The following MLXIP variants were observed in gnomAD, a reference collection of about 807,000 sequenced individuals.
The protein encoded by MLXIP is MLX-interacting protein.
MLXIP carries 30 observed loss-of-function variants against 87.2 expected under a neutral mutation model. The observed-to-expected ratio is 0.34, with a 90% CI of 0.26 to 0.47. The LOEUF is 0.47. Among genes scored for constraint, MLXIP ranks in the 20% least tolerant of loss-of-function variants. The probability of loss-of-function intolerance (pLI) is 1.00; values close to 1 mark genes in which losing one functional copy is unlikely to be tolerated. For missense variants in MLXIP, 1,002 were observed against 1,240.1 expected, an observed-to-expected ratio of 0.81 and a Z score of 2.88; for synonymous variants, 530 against 514.0, an observed-to-expected ratio of 1.03 and a Z score of -0.42.
intron 3 of MLXIP, chr12:122,128,687 A>G (rs1449573118): frequency 1.8e-5 from 3 of 162,694 alleles, no homozygotes; most frequent in East Asian, 3.6e-4. Context: ...CCACACTGGC[A>G]TCACGCGAAG....
At chr12:122,090,592 G>A (rs1346461636) in intron 1 of MLXIP, among the ~76,000 whole-genome samples, 1 of 152,066 alleles carries the variant, frequency 6.6e-6, no homozygotes, top group African/African-American at 2.4e-5. Context: ...TTCAGGTGGT[G>A]GGTACTTGAG....
Position 122,135,285 on chromosome 12 carries a change from G to A in MLXIP, c.1794G>A (p.Gly598=). 1 of 1,613,686 alleles carries A rather than the reference G, an allele frequency of 6.2e-7. No homozygotes were observed. The highest frequency in any genetic ancestry group is 8.5e-7 in the Non-Finnish European group (1 of 1,179,894). Residue 598 remains glycine (G), a synonymous_variant, in exon 10 of 17, where the codon GGG becomes GGA. Transcript: ENST00000319080. The surrounding 1 kb of genome is among the most constrained non-coding windows in gnomAD (Gnocchi z 5.3). ...IMTSGPLKRE[G]MLASTVSQSN... ...CGTCAGGGCCTCTGAAGAGAGAAGG[G>A]ATGTTGGCCTCCACCGTGTCCCAGT...
chr12:122,134,665 A>T (rs1481732454), intron 9 of MLXIP: 1 of 150,334 alleles, frequency 6.7e-6, no homozygotes, highest in Non-Finnish European at 1.4e-5. Flanking sequence ...CCCCACACCC[A>T]GTCTCTATTC....
In MLXIP at chr12:122,133,792, C is replaced by G; in HGVS notation, c.1537C>G (p.His513Asp). ...QSQGLVITTHHPAPSAAPCGL... is the reference protein window; with the variant it reads ...QSQGLVITTHDPAPSAAPCGL... ...TCAGGGCCTTGTGATCACCACCCAT[C>G]ACCCTGCCCCGTCAGCGGCCCCTTG... The change falls in exon 9 of 17, where the codon CAC (histidine) becomes GAC (aspartate). Residue 513 changes from histidine to aspartate, a missense_variant. By Grantham distance (81) the His-to-Asp change is moderately conservative (BLOSUM62 -1). Coordinates refer to ENST00000319080, the MANE Select transcript of MLXIP (RefSeq NM_014938.6). This position sits in a 1 kb window ranked among gnomAD's most constrained non-coding sequence, Gnocchi z 4.9. 1 of 1,613,224 alleles carries G rather than the reference C, an allele frequency of 6.2e-7. No individual in the cohort carries two copies. Among genetic ancestry groups the G allele is most frequent in the Non-Finnish European group, 8.5e-7 (1 of 1,179,680 alleles).
At chr12:122,099,199 T>TTGGCCA (rs1338984875) in intron 1 of MLXIP, among the ~76,000 whole-genome samples, 1 of 152,206 alleles carries the variant, frequency 6.6e-6, no homozygotes, top group Non-Finnish European at 1.5e-5. Flanking sequence ...ATCGTGCCAC[T>TTGGCCA]GCACTTCAGC....
Position 122,141,891 on chromosome 12 carries a change from C to G in MLXIP, c.*79C>G. The stretch of plus-strand genomic sequence containing the variant: ...TGGAGAGTAGGCTGCGCCCCCCAGC[C>G]CTTCCTGACGCTCAGCCTCGGGGCC... On this transcript the variant is annotated 3_prime_UTR_variant, in exon 17 of 17. Coordinates refer to ENST00000319080, the MANE Select transcript of MLXIP (RefSeq NM_014938.6). The G allele has an allele frequency of 6.4e-7, 1 of 1,570,882 alleles. No homozygotes were observed. The highest frequency in any genetic ancestry group is 8.6e-7 in the Non-Finnish European group (1 of 1,159,342).
chr12:122,111,335 A>G lies in MLXIP; in HGVS notation c.414-15921A>G, dbSNP rs115448441. Among the ~76,000 whole-genome samples, 354 of 152,296 alleles carry G rather than the reference A, an allele frequency of 2.3e-3. 1 individual carries two copies. Among genetic ancestry groups the G allele is most frequent in the African/African-American group, 7.7e-3 (322 of 41,570 alleles). On this transcript the variant is annotated intron_variant, in intron 1 of 16. Transcript: ENST00000319080. Reference sequence around the variant, plus strand: ...AGCCAATTTCTAGAGTCTTGACTCCAGGTGTGTACTCTGGCTAGAGAATGC... The same window carrying G: ...AGCCAATTTCTAGAGTCTTGACTCCGGGTGTGTACTCTGGCTAGAGAATGC...
rs1294228353 is a variant in MLXIP, at chr12:122,144,059, TTTC to T, written c.*2250_*2252del. The T allele has an allele frequency of 1.3e-5, 2 of 152,668 alleles. No homozygotes were observed. Among genetic ancestry groups the T allele is most frequent in the Non-Finnish European group, 2.9e-5 (2 of 68,058 alleles). 9.5% of individuals were successfully genotyped at this position (152,668 alleles called of 1,614,324 possible). A position where few individuals can be genotyped will look rare whatever the true frequency, so the allele number is the denominator to read the frequency against. On this transcript the variant is annotated 3_prime_UTR_variant, in exon 17 of 17. Coordinates refer to ENST00000319080, the MANE Select transcript of MLXIP (RefSeq NM_014938.6). Reference sequence around the variant, plus strand: ...CATGATTGTTTCTTGTTCTAGAGGTTTTCTTGTTTTCGAATCTTGCCTGATGAA... The same window carrying T: ...CATGATTGTTTCTTGTTCTAGAGGTTTTGTTTTCGAATCTTGCCTGATGAA...
chr12:122,137,763 A>C lies in MLXIP; in HGVS notation c.2154+173A>C, dbSNP rs1953120363. 3 of 573,248 alleles carry C rather than the reference A, an allele frequency of 5.2e-6. No homozygotes were observed. Among genetic ancestry groups the C allele is most frequent in the Admixed American group, 6.3e-5 (1 of 15,768 alleles). The allele number at this position is 573,248 out of a possible 1,614,324, so 35.5% of individuals were successfully genotyped here. On this transcript the variant is annotated intron_variant, in intron 12 of 16. Coordinates refer to ENST00000319080, the MANE Select transcript of MLXIP (RefSeq NM_014938.6). The surrounding 1 kb of genome is among the most constrained non-coding windows in gnomAD (Gnocchi z 4.1). ...CATGCCACGAACCAGCCCTGTGGGG[A>C]TGGTGGGCCCCCTGGAGGCTTTTGG... is the stretch of plus-strand genomic sequence containing the variant.
chr12:122,082,544 A>G (rs1056835415), intron 1 of MLXIP, among the ~76,000 whole-genome samples: 2 of 152,190 alleles, frequency 1.3e-5, no homozygotes, highest in African/African-American at 4.8e-5. Flanking sequence ...GGCTCCGCAT[A>G]GCAAGTGGGT....
At position 122,086,860 on chromosome 12, in the gene MLXIP, C is replaced by T. The variant is rs143218947; in HGVS notation, c.413+7594C>T. Among the ~76,000 whole-genome samples, 588 of 152,238 alleles carry T rather than the reference C, an allele frequency of 3.9e-3. 6 individuals are homozygous for T. Among genetic ancestry groups the T allele is most frequent in the Middle Eastern group, 0.037 (11 of 294 alleles). On this transcript the variant is annotated intron_variant, in intron 1 of 16. Coordinates refer to ENST00000319080, the MANE Select transcript of MLXIP (RefSeq NM_014938.6). ...TGCTCTTCTTCACTGTCCGGCCAGA[C>T]GCCTTGAAGAGACTGACTCTCACAG...
chr12:122,114,760 G>GC (rs1171944821), intron 1 of MLXIP, among the ~76,000 whole-genome samples: 5 of 99,726 alleles, frequency 5.0e-5, no homozygotes, highest in African/African-American at 1.1e-4. Flanking sequence ...TTTTTTGGTG[G>GC]GGGGGGACAG....
At chr12:122,088,250 A>G (rs1458000889) in intron 1 of MLXIP, among the ~76,000 whole-genome samples, 1 of 152,084 alleles carries the variant, frequency 6.6e-6, no homozygotes, top group Non-Finnish European at 1.5e-5. Flanking sequence ...GTGGCGTGGA[A>G]TATGCATCTC....
At chr12:122,129,102 C>A in intron 3 of MLXIP, 35 bp from the exon 4 acceptor site, 1 of 1,529,664 alleles carries the variant, frequency 6.5e-7, no homozygotes, top group Non-Finnish European at 9.0e-7. Context: ...TCAAGCAGAG[C>A]CCCCTCTTCA....
Position 122,127,388 on chromosome 12 carries a change from G to A in MLXIP, c.520+26G>A, listed in dbSNP as rs372018750. 53 of 1,544,066 alleles carry A rather than the reference G, an allele frequency of 3.4e-5. No individual in the cohort carries two copies. In the Admixed American group the frequency reaches 3.7e-4, roughly 11 times the overall value. ...GTAAGTGCCGCCCAGCCTGGGCGCC[G>A]GTGGTGGTCAGAACTTCACGGCCTG... On this transcript the variant is annotated intron_variant, in intron 2 of 16. Transcript: ENST00000319080.
chr12:122,130,049 G>A lies in MLXIP; in HGVS notation c.847G>A (p.Asp283Asn). The change falls in exon 6 of 17, where the codon GAC becomes AAC. Residue 283 changes from aspartate (D) to asparagine (N), a missense_variant. Physicochemically the swap from Asp to Asn is conservative, Grantham distance 23. This residue lies in a region of MLXIP where 746 missense variants were observed against 897.0 expected (regional missense o/e 0.83). Coordinates refer to ENST00000319080, the MANE Select transcript of MLXIP (RefSeq NM_014938.6). ...DTDMLMSEFS[D>N]TLFSTLSSHQ... ...AGACATGCTCATGTCGGAATTCAGC[G>A]ACACCCTCTTCTCCACACTTTCTTC... 1.9e-6 allele frequency: 3 copies of A among 1,613,950 alleles called. No homozygotes were observed. Among genetic ancestry groups the A allele is most frequent in the Middle Eastern group, 1.6e-4 (1 of 6,062 alleles).
At chr12:122,092,533 A>G (rs1952262134) in intron 1 of MLXIP, among the ~76,000 whole-genome samples, 1 of 152,192 alleles carries the variant, frequency 6.6e-6, no homozygotes, top group South Asian at 2.1e-4. Flanking sequence ...GCATGTGCCT[A>G]GGAGACGGTT....
At chr12:122,127,724 T>A in intron 2 of MLXIP, 159 bp from the exon 3 acceptor site, 1 of 164,134 alleles carries the variant, frequency 6.1e-6, no homozygotes, top group Non-Finnish European at 1.3e-5. Context: ...TCCTTTCACC[T>A]GGACTCCTTT....
In MLXIP at chr12:122,103,916, C is replaced by A. The variant is rs1301127376; in HGVS notation, c.414-23340C>A. Among the ~76,000 whole-genome samples the A allele has an allele frequency of 8.0e-5, 12 of 149,940 alleles. No homozygotes were observed. The East Asian group carries it at 2.4e-3, about 29-fold the overall frequency. On this transcript the variant is annotated intron_variant, in intron 1 of 16. Transcript: ENST00000319080. The stretch of plus-strand genomic sequence containing the variant: ...TCTCTAACTTCTGGGCTCATGTGAT[C>A]CTTCCGCCTTGGTCTCCCAAAGTGC...
Sources: gnomAD v4.1 joint callset for allele counts (sites outside exome capture counted in the v4.1 genomes callset) on GRCh38, gnomAD v4.1.1 for gene constraint, gnomAD v4.1.1 regional missense constraint, Gnocchi (gnomAD v3.1) non-coding constraint, MANE v1.5 for transcripts, NCBI Gene and HGNC (gene_info 2026-07-23, HGNC 2026-07-21) for gene names.